The following ANGPT1 variants were observed in gnomAD, a reference collection of about 807,000 sequenced individuals.
ANGPT1 encodes the protein angiopoietin 1.
A neutral mutation model predicts 62.2 loss-of-function variants in ANGPT1; 17 were observed. The ratio of observed to expected loss-of-function variants is 0.27; its 90% CI spans 0.19 to 0.41. ANGPT1 has a LOEUF of 0.41. ANGPT1 is among the 10% of genes least tolerant of loss of function. ANGPT1 has a pLI of 1.00. For synonymous variants in ANGPT1, 199 were observed against 198.9 expected (o/e 1.00, Z 0.00); for missense variants, 478 against 594.9 (o/e 0.80, Z 2.04).
intron 7 of ANGPT1, among the ~76,000 whole-genome samples, chr8:107,280,326 G>T (rs994628442): frequency 6.6e-6 from 1 of 151,724 alleles, no homozygotes. Context: ...TCAGCGTCCC[G>T]AGCAGCTGGG....
chr8:107,464,631 G>A (rs1464828504), intron 1 of ANGPT1, among the ~76,000 whole-genome samples: 2 of 152,026 alleles, frequency 1.3e-5, no homozygotes, highest in Non-Finnish European at 2.9e-5. Context: ...GAATTTTAGG[G>A]TTTTATGACG....
At chr8:107,333,278 A>G (rs1815468051) in intron 3 of ANGPT1, among the ~76,000 whole-genome samples, 1 of 152,166 alleles carries the variant, frequency 6.6e-6, no homozygotes, top group South Asian at 2.1e-4. Flanking sequence ...ATAACTATAG[A>G]GATACAGCAA....
At chr8:107,445,586 T>C (rs911508168) in intron 1 of ANGPT1, among the ~76,000 whole-genome samples, 1 of 152,174 alleles carries the variant, frequency 6.6e-6, no homozygotes, top group African/African-American at 2.4e-5. Context: ...CATCAGTGTC[T>C]GAGGAGAGAC....
chr8:107,447,229 T>C (rs1811647171), intron 1 of ANGPT1, among the ~76,000 whole-genome samples: 1 of 152,186 alleles, frequency 6.6e-6, no homozygotes, highest in South Asian at 2.1e-4. Context: ...AAATCAGATG[T>C]GATTGCATGT....
At chr8:107,449,106 T>G (rs1229666069) in intron 1 of ANGPT1, among the ~76,000 whole-genome samples, 1 of 151,952 alleles carries the variant, frequency 6.6e-6, no homozygotes, top group Non-Finnish European at 1.5e-5. Context: ...AAAGGGAAAT[T>G]TTCTCAATAG....
chr8:107,377,408 A>G (rs1816551134), intron 1 of ANGPT1, among the ~76,000 whole-genome samples: 1 of 152,208 alleles, frequency 6.6e-6, no homozygotes, highest in Non-Finnish European at 1.5e-5. Context: ...CTGTCTGGAT[A>G]AATCTGCCAT....
At chr8:107,349,164 A>C (rs142974266) in intron 1 of ANGPT1, among the ~76,000 whole-genome samples, 4 of 151,904 alleles carry the variant, frequency 2.6e-5, no homozygotes, top group Admixed American at 6.6e-5. Context: ...ATAGATAGAT[A>C]GATCTATGTA....
intron 6 of ANGPT1, among the ~76,000 whole-genome samples, chr8:107,286,180 T>C (rs1407411566): frequency 6.6e-6 from 1 of 152,150 alleles, no homozygotes; most frequent in African/African-American, 2.4e-5. Flanking sequence ...ACTGAGTTAC[T>C]TACCAAAGTT....
chr8:107,348,287 T>A (rs1013789424), intron 1 of ANGPT1, among the ~76,000 whole-genome samples: 2 of 152,224 alleles, frequency 1.3e-5, no homozygotes, highest in African/African-American at 4.8e-5. Flanking sequence ...CACTATTTCA[T>A]AATCCATAGT....
intron 2 of ANGPT1, among the ~76,000 whole-genome samples, chr8:107,343,581 G>C (rs906848489): frequency 6.6e-6 from 1 of 152,140 alleles, no homozygotes; most frequent in Non-Finnish European, 1.5e-5. Context: ...TTATACTTCC[G>C]CAAGTAGGAG....
intron 7 of ANGPT1, 75 bp from the exon 8 acceptor site, chr8:107,264,426 A>T: frequency 6.6e-7 from 1 of 1,525,778 alleles, no homozygotes; most frequent in Non-Finnish European, 8.8e-7. Context: ...AGCTTGTTGA[A>T]TGTTTGCCTT....
intron 1 of ANGPT1, among the ~76,000 whole-genome samples, chr8:107,481,532 C>CAAAAAAAAAAAAAAAA (rs71562147): frequency 5.8e-4 from 37 of 64,304 alleles, no homozygotes; most frequent in East Asian, 2.5e-3. Flanking sequence ...GACTCTGTCT[C>CAAAAAAAAAAAAAAAA]AAAAAAAAAA....
At chr8:107,381,285 A>AT (rs1816631893) in intron 1 of ANGPT1, among the ~76,000 whole-genome samples, 1 of 152,188 alleles carries the variant, frequency 6.6e-6, no homozygotes, top group Admixed American at 6.5e-5. Context: ...AAAAACTTGA[A>AT]TCCAAATCAG....
chr8:107,264,077 A>C, intron 8 of ANGPT1, 144 bp downstream of exon 8: 1 of 980,892 alleles, frequency 1.0e-6, no homozygotes, highest in Non-Finnish European at 1.4e-6. Flanking sequence ...AACGCAGGGT[A>C]AATTCGTGGG....
At chr8:107,259,446 T>G (rs2130014071) in intron 8 of ANGPT1, among the ~76,000 whole-genome samples, 1 of 152,260 alleles carries the variant, frequency 6.6e-6, no homozygotes, top group Non-Finnish European at 1.5e-5. Flanking sequence ...CTTTATCCCC[T>G]ATTTAAGGAC....
intron 1 of ANGPT1, among the ~76,000 whole-genome samples, chr8:107,409,851 A>G (rs1249008736): frequency 6.6e-6 from 1 of 151,918 alleles, no homozygotes; most frequent in Non-Finnish European, 1.5e-5. Context: ...AGTGGGCCTC[A>G]TGAAAAGTAG....
intron 1 of ANGPT1, among the ~76,000 whole-genome samples, chr8:107,451,739 A>G (rs935124018): frequency 1.3e-5 from 2 of 151,958 alleles, no homozygotes; most frequent in African/African-American, 4.8e-5. Context: ...TTACACCTAT[A>G]GTAATCTCTT....
intron 6 of ANGPT1, among the ~76,000 whole-genome samples, chr8:107,285,323 A>C (rs916543545): frequency 6.6e-6 from 1 of 152,174 alleles, no homozygotes; most frequent in African/African-American, 2.4e-5. Context: ...CTTCATATTT[A>C]GGTTGGTGCA....
intron 1 of ANGPT1, among the ~76,000 whole-genome samples, chr8:107,486,276 C>A (rs1812812697): frequency 6.6e-6 from 1 of 152,140 alleles, no homozygotes; most frequent in African/African-American, 2.4e-5. Context: ...TGGTTAAGAG[C>A]ATAGGTCATA....
Sources: gnomAD v4.1 joint callset for allele counts (sites outside exome capture counted in the v4.1 genomes callset) on GRCh38, gnomAD v4.1.1 for gene constraint, MANE v1.5 for transcripts, NCBI Gene and HGNC (gene_info 2026-07-23, HGNC 2026-07-21) for gene names.